The following GRID2 variants were observed in gnomAD, a reference collection of about 807,000 sequenced individuals.
GRID2 encodes the protein glutamate ionotropic receptor delta type subunit 2, also known as glutamate receptor ionotropic, delta-2.
GRID2 carries 33 observed loss-of-function variants against 114.8 expected under a neutral mutation model. The observed-to-expected ratio is 0.29, with a 90% CI of 0.22 to 0.38. GRID2 has a LOEUF of 0.38. Among genes scored for constraint, GRID2 ranks in the 10% least tolerant of loss-of-function variants. The pLI is 1.00. For synonymous variants in GRID2, 505 were observed against 449.9 expected, an observed-to-expected ratio of 1.12 and a Z score of -1.55; for missense variants, 1,184 against 1,257.7, an observed-to-expected ratio of 0.94 and a Z score of 0.89.
At chr4:93,613,623 C>T (rs1327780201) in intron 13 of GRID2, among the ~76,000 whole-genome samples, 35 of 114,710 alleles carry the variant, frequency 3.1e-4, no homozygotes, top group Middle Eastern at 9.1e-3. Context: ...TTAGGCTGCT[C>T]GGGGGTCAGG....
intron 1 of GRID2, among the ~76,000 whole-genome samples, chr4:92,365,354 T>A (rs555794327): frequency 6.6e-6 from 1 of 152,036 alleles, no homozygotes; most frequent in Admixed American, 6.6e-5. Context: ...CTAGAGAACA[T>A]TATGCTAAGT....
chr4:92,975,640 A>T (rs2149179073), intron 2 of GRID2, among the ~76,000 whole-genome samples: 1 of 152,240 alleles, frequency 6.6e-6, no homozygotes, highest in African/African-American at 2.4e-5. Flanking sequence ...TTTGCAAATT[A>T]AGTGCTTTTT....
chr4:92,574,973 C>T (rs1727814407), intron 1 of GRID2, among the ~76,000 whole-genome samples: 1 of 152,056 alleles, frequency 6.6e-6, no homozygotes, highest in African/African-American at 2.4e-5. Context: ...GTTATAGATT[C>T]TGTCTCTTTA....
intron 1 of GRID2, among the ~76,000 whole-genome samples, chr4:92,408,625 T>A (rs1238772014): frequency 6.9e-6 from 1 of 143,908 alleles, no homozygotes; most frequent in African/African-American, 2.8e-5. Flanking sequence ...GAATATTTAT[T>A]ATTATTTTTT....
At chr4:92,889,146 T>C (rs1560672084) in intron 2 of GRID2, among the ~76,000 whole-genome samples, 2 of 152,138 alleles carry the variant, frequency 1.3e-5, no homozygotes, top group African/African-American at 4.8e-5. Flanking sequence ...CCTTTATATA[T>C]AGAAAAGTAT....
chr4:92,855,103 G>A (rs1744083052), intron 2 of GRID2, among the ~76,000 whole-genome samples: 1 of 151,974 alleles, frequency 6.6e-6, no homozygotes, highest in Non-Finnish European at 1.5e-5. Flanking sequence ...AGAATTAATT[G>A]TAAGCCTTTT....
chr4:93,310,881 G>A (rs1023934686), intron 8 of GRID2, among the ~76,000 whole-genome samples: 2 of 152,292 alleles, frequency 1.3e-5, no homozygotes, highest in East Asian at 3.9e-4. Context: ...AAACAGTAGA[G>A]TTATTTATAG....
chr4:92,948,597 T>A (rs1578570628), intron 2 of GRID2, among the ~76,000 whole-genome samples: 1 of 151,970 alleles, frequency 6.6e-6, no homozygotes, highest in Non-Finnish European at 1.5e-5. Context: ...GTTCTATGGA[T>A]AAGAAAAACT....
At chr4:93,594,417 A>G (rs1349473121) in intron 13 of GRID2, among the ~76,000 whole-genome samples, 4 of 152,282 alleles carry the variant, frequency 2.6e-5, no homozygotes, top group African/African-American at 9.6e-5. Context: ...CCATTCTCAG[A>G]TCTCCAGCTG....
chr4:93,163,382 A>ATG (rs1335183454), intron 4 of GRID2, among the ~76,000 whole-genome samples: 24 of 45,012 alleles, frequency 5.3e-4, no homozygotes, highest in African/African-American at 2.0e-3. Flanking sequence ...ATATATATAT[A>ATG]TATATATATA....
intron 2 of GRID2, among the ~76,000 whole-genome samples, chr4:92,771,521 T>C (rs1003320945): frequency 2.0e-5 from 3 of 152,164 alleles, no homozygotes; most frequent in African/African-American, 7.2e-5. Context: ...AGTGTGAATG[T>C]GTAAGTTTTA....
At chr4:93,019,456 T>C (rs533380082) in intron 2 of GRID2, among the ~76,000 whole-genome samples, 28 of 152,328 alleles carry the variant, frequency 1.8e-4, no homozygotes, top group African/African-American at 5.3e-4. Context: ...CCAATTGCTG[T>C]GATCAGTTCT....
chr4:92,863,723 G>A (rs563952864), intron 2 of GRID2, among the ~76,000 whole-genome samples: 13 of 152,154 alleles, frequency 8.5e-5, no homozygotes, highest in South Asian at 2.1e-4. Context: ...TGAAAATTCC[G>A]TGCCACAGGA....
chr4:93,601,654 A>C (rs1212729653), intron 13 of GRID2, among the ~76,000 whole-genome samples: 2 of 152,192 alleles, frequency 1.3e-5, no homozygotes, highest in African/African-American at 2.4e-5. Flanking sequence ...TAAAATGTTT[A>C]CTGGGATTAG....
chr4:93,276,757 T>C (rs757638409), intron 8 of GRID2, among the ~76,000 whole-genome samples: 1 of 151,972 alleles, frequency 6.6e-6, no homozygotes, highest in Non-Finnish European at 1.5e-5. Flanking sequence ...TTTTGTACAT[T>C]GAACTTGTGT....
chr4:93,229,626 T>C lies in GRID2; in HGVS notation c.1125+4851T>C, dbSNP rs568274339. The stretch of plus-strand genomic sequence containing the variant: ...CATTCAAATAAATACAAAATGCCTA[T>C]ATTAAGGGCACGCTACATACACATT... On this transcript the variant is annotated intron_variant, in intron 7 of 15. Coordinates refer to ENST00000282020, the MANE Select transcript of GRID2 (RefSeq NM_001510.4). Among the ~76,000 whole-genome samples the C allele has an allele frequency of 1.3e-4, 20 of 152,238 alleles. No homozygotes were observed. In the South Asian group the frequency reaches 1.7e-3, roughly 13 times the overall value.
At chr4:93,098,834 T>C (rs1456844350) in intron 3 of GRID2, among the ~76,000 whole-genome samples, 3 of 151,954 alleles carry the variant, frequency 2.0e-5, no homozygotes, top group Non-Finnish European at 4.4e-5. Flanking sequence ...ATGATAATGA[T>C]GCAGGTACAT....
intron 13 of GRID2, among the ~76,000 whole-genome samples, chr4:93,589,285 A>G (rs1391160833): frequency 6.9e-6 from 1 of 145,842 alleles, no homozygotes; most frequent in African/African-American, 2.6e-5. Flanking sequence ...CCCACCTATG[A>G]GTGAGAATAT....
chr4:92,526,635 C>T (rs1217975357), intron 1 of GRID2, among the ~76,000 whole-genome samples: 1 of 152,076 alleles, frequency 6.6e-6, no homozygotes, highest in Non-Finnish European at 1.5e-5. Flanking sequence ...TGAGCCACTG[C>T]ACCCAGCCAA....
Sources: gnomAD v4.1 joint callset for allele counts (sites outside exome capture counted in the v4.1 genomes callset) on GRCh38, gnomAD v4.1.1 for gene constraint, MANE v1.5 for transcripts, NCBI Gene and HGNC (gene_info 2026-07-23, HGNC 2026-07-21) for gene names.